NXPE2: variants seen among roughly 807,000 people sequenced by gnomAD.
NXPE2 encodes the protein NXPE family member 2.
NXPE2 carries 34 observed loss-of-function variants against 34.4 expected under a neutral mutation model. The ratio of observed to expected loss-of-function variants is 0.99; its 90% CI spans 0.75 to 1.31. The LOEUF (loss-of-function observed/expected upper bound fraction) is 1.31, where lower values mean the gene tolerates loss of function less well. Among genes scored for constraint, NXPE2 ranks in the 40% most tolerant of loss-of-function variants. The pLI, the probability that NXPE2 is intolerant of heterozygous loss-of-function variation, is 0.00. For synonymous variants in NXPE2, 235 were observed against 231.3 expected (o/e 1.02, Z -0.15); for missense variants, 649 against 672.5 (o/e 0.97, Z 0.39).
At chr11:114,761,415 C>T in the NXPE2 span, among the ~76,000 whole-genome samples, 1 of 152,158 alleles carries the variant, frequency 6.6e-6, no homozygotes, top group Non-Finnish European at 1.5e-5. Flanking sequence ...GGGCACCCCA[C>T]GATTCAGTCT....
At chr11:114,805,191 G>GTTT in the NXPE2 span, among the ~76,000 whole-genome samples, 13 of 146,454 alleles carry the variant, frequency 8.9e-5, no homozygotes, top group East Asian at 2.0e-4. Context: ...ACCACAAGGA[G>GTTT]TTTTTTTTTT....
At chr11:114,648,507 T>C in the NXPE2 span, among the ~76,000 whole-genome samples, 3 of 152,194 alleles carry the variant, frequency 2.0e-5, no homozygotes, top group South Asian at 6.2e-4. Context: ...GTCAGTCTAC[T>C]AATTTAAACG....
At chr11:114,511,872 T>G in the NXPE2 span, among the ~76,000 whole-genome samples, 3 of 151,700 alleles carry the variant, frequency 2.0e-5, no homozygotes, top group Admixed American at 2.0e-4. Context: ...TTGCTTTCCA[T>G]GAGTGGAAGT....
the NXPE2 span, among the ~76,000 whole-genome samples, chr11:114,473,059 G>A: frequency 6.6e-6 from 1 of 152,144 alleles, no homozygotes; most frequent in African/African-American, 2.4e-5. Flanking sequence ...GACAACAATT[G>A]TAATCTGCTT....
At chr11:114,777,540 T>A in the NXPE2 span, among the ~76,000 whole-genome samples, 1 of 152,192 alleles carries the variant, frequency 6.6e-6, no homozygotes, top group Non-Finnish European at 1.5e-5. Context: ...CTGGGAGTGT[T>A]GAAGACAGAT....
intron 2 of NXPE2, among the ~76,000 whole-genome samples, chr11:114,683,181 T>C (rs1461831622): frequency 6.6e-6 from 1 of 152,090 alleles, no homozygotes; most frequent in Admixed American, 6.6e-5. Flanking sequence ...ATCCTCTTAT[T>C]GTCACTTACA....
the NXPE2 span, among the ~76,000 whole-genome samples, chr11:114,766,881 A>G: frequency 1.3e-5 from 2 of 152,204 alleles, no homozygotes; most frequent in Non-Finnish European, 2.9e-5. Flanking sequence ...TGGTCAGCAG[A>G]AACTTAGGAG....
chr11:114,568,648 C>G, the NXPE2 span, among the ~76,000 whole-genome samples: 1 of 152,220 alleles, frequency 6.6e-6, no homozygotes, highest in South Asian at 2.1e-4. Context: ...CTGCTTGTTT[C>G]TCTAACTTCT....
the NXPE2 span, chr11:114,582,711 T>A: frequency 6.2e-7 from 1 of 1,612,564 alleles, no homozygotes; most frequent in Non-Finnish European, 8.5e-7. Flanking sequence ...CCTCAGGAAA[T>A]CCCCGCCATA....
At chr11:114,766,995 AT>A in the NXPE2 span, among the ~76,000 whole-genome samples, 1 of 151,606 alleles carries the variant, frequency 6.6e-6, no homozygotes, top group African/African-American at 2.4e-5. Context: ...AAAAAAAAAT[AT>A]TTTTTCCTCT....
the NXPE2 span, among the ~76,000 whole-genome samples, chr11:114,805,892 GCCT>G: frequency 6.6e-6 from 1 of 152,242 alleles, no homozygotes; most frequent in East Asian, 1.9e-4. Context: ...CAGGCAGACT[GCCT>G]CCTCAAGTGG....
chr11:114,633,075 T>C, the NXPE2 span, among the ~76,000 whole-genome samples: 1 of 119,054 alleles, frequency 8.4e-6, no homozygotes. Flanking sequence ...TTGTTTTTTA[T>C]AATTTATCTT....
the NXPE2 span, among the ~76,000 whole-genome samples, chr11:114,558,614 G>A: frequency 6.6e-6 from 1 of 152,162 alleles, no homozygotes; most frequent in South Asian, 2.1e-4. Context: ...ATGTTTAAAT[G>A]TGATGTATTA....
the NXPE2 span, among the ~76,000 whole-genome samples, chr11:114,645,841 AAATT>A: frequency 6.6e-6 from 1 of 152,174 alleles, no homozygotes; most frequent in Non-Finnish European, 1.5e-5. Context: ...TAGATAGGCC[AAATT>A]TGAGAGTATA....
the NXPE2 span, among the ~76,000 whole-genome samples, chr11:114,499,026 T>C: frequency 6.6e-6 from 1 of 152,146 alleles, no homozygotes; most frequent in African/African-American, 2.4e-5. Context: ...ATACAGCTTT[T>C]GGAGTTATTT....
chr11:114,603,085 A>T, the NXPE2 span, among the ~76,000 whole-genome samples: 1 of 151,788 alleles, frequency 6.6e-6, no homozygotes, highest in South Asian at 2.1e-4. Flanking sequence ...TACCTAGTGG[A>T]TAATAATTAT....
chr11:114,797,018 G>A, the NXPE2 span, among the ~76,000 whole-genome samples: 8 of 152,350 alleles, frequency 5.3e-5, no homozygotes, highest in African/African-American at 1.9e-4. Context: ...CGGAATCTGT[G>A]TTAATAGGGA....
At chr11:114,640,647 T>C in the NXPE2 span, among the ~76,000 whole-genome samples, 1 of 151,982 alleles carries the variant, frequency 6.6e-6, no homozygotes, top group African/African-American at 2.4e-5. Context: ...ATAATGGCCA[T>C]TCTGACTAGG....
At chr11:114,634,657 G>T in the NXPE2 span, among the ~76,000 whole-genome samples, 1 of 152,018 alleles carries the variant, frequency 6.6e-6, no homozygotes, top group Admixed American at 6.6e-5. Flanking sequence ...GTAAGGAAGG[G>T]ATCCAGTTTC....
Sources: gnomAD v4.1 joint callset for allele counts (sites outside exome capture counted in the v4.1 genomes callset) on GRCh38, gnomAD v4.1.1 for gene constraint, MANE v1.5 for transcripts, NCBI Gene and HGNC (gene_info 2026-07-23, HGNC 2026-07-21) for gene names.